Variants in CDK5RAP3 observed in about 807,000 individuals in gnomAD.
CDK5RAP3 encodes CDK5 regulatory subunit-associated protein 3.
A neutral mutation model predicts 73.3 loss-of-function variants in CDK5RAP3; 58 were observed. That is an observed-to-expected ratio of 0.79 (90% CI 0.64 to 0.98). The LOEUF (loss-of-function observed/expected upper bound fraction) is 0.98, where lower values mean the gene tolerates loss of function less well. CDK5RAP3 is among the 50% of genes least tolerant of loss of function. The probability of loss-of-function intolerance (pLI) is 0.00; values close to 1 mark genes in which losing one functional copy is unlikely to be tolerated. For missense variants in CDK5RAP3, 525 were observed against 615.8 expected, an observed-to-expected ratio of 0.85 and a Z score of 1.56; for synonymous variants, 224 against 247.5, an observed-to-expected ratio of 0.91 and a Z score of 0.89.
chr17:47,969,782 A>C (rs2036227691), upstream of CDK5RAP3, among the ~76,000 whole-genome samples: 1 of 151,702 alleles, frequency 6.6e-6, no homozygotes, highest in African/African-American at 2.4e-5. Context: ...AAAATTATAG[A>C]CCCAAGTGCC....
At chr17:47,971,989 C>T (rs979251784) in intron 2 of CDK5RAP3, among the ~76,000 whole-genome samples, 1 of 151,932 alleles carries the variant, frequency 6.6e-6, no homozygotes, top group South Asian at 2.1e-4. Context: ...GAGCGAAACT[C>T]CATCTCAAAA....
rs573569949 is a variant in CDK5RAP3 at position 47,972,392 on chromosome 17, A to T, written c.52+985A>T. Among the ~76,000 whole-genome samples the T allele has an allele frequency of 2.6e-5, 4 of 152,322 alleles. No individual in the cohort carries two copies. The South Asian group carries it at 8.3e-4, about 32-fold the overall frequency. On this transcript the variant is annotated intron_variant, in intron 2 of 13. Transcript: ENST00000338399. ...CCGTTGCTTCTAGTTCTGTGACATC[A>T]ACAGAATTTTTCTTTCTGAAAACTT... is the stretch of plus-strand genomic sequence containing the variant.
At chr17:47,972,258 A>G (rs2036288731) in intron 2 of CDK5RAP3, among the ~76,000 whole-genome samples, 2 of 152,192 alleles carry the variant, frequency 1.3e-5, no homozygotes, top group East Asian at 1.9e-4. Context: ...TAGTCAGGGA[A>G]GGCCTCTTCA....
intron 11 of CDK5RAP3, 56 bp downstream of exon 11, chr17:47,978,973 T>C (rs1435277731): frequency 4.4e-6 from 6 of 1,356,346 alleles, no homozygotes; most frequent in Non-Finnish European, 6.3e-6. Context: ...ACAGGTGGCT[T>C]CACTCCAGAT....
chr17:47,974,727 G>C, intron 5 of CDK5RAP3: 2 of 1,330,974 alleles, frequency 1.5e-6, no homozygotes, highest in Non-Finnish European at 1.9e-6. Flanking sequence ...CTTGGTTAGC[G>C]GGAGTGTGCT....
intron 11 of CDK5RAP3, 137 bp downstream of exon 11, chr17:47,979,054 G>A (rs752880240): frequency 2.1e-5 from 14 of 664,806 alleles, no homozygotes; most frequent in South Asian, 6.8e-5. Context: ...GGAGCCTCAC[G>A]TATTAGATGC....
In CDK5RAP3 at chr17:47,976,840, G is replaced by C. The variant is rs746228546; in HGVS notation, c.909+18G>C. 3 of 1,485,870 alleles carry C rather than the reference G, an allele frequency of 2.0e-6. No homozygotes were observed. Among genetic ancestry groups the C allele is most frequent in the East Asian group, 4.5e-5 (2 of 44,224 alleles). 92.0% of individuals were successfully genotyped at this position (1,485,870 alleles called of 1,614,324 possible). A position where few individuals can be genotyped will look rare whatever the true frequency, so the allele number is the denominator to read the frequency against. ...ATTCAAAGGTGAGGAGGCCTTCTCA[G>C]TCTGTCTCTCTCTGATCACTACTCT... is the stretch of plus-strand genomic sequence containing the variant. On this transcript the variant is annotated intron_variant, in intron 9 of 13. Transcript: ENST00000338399.
At position 47,976,806 on chromosome 17, in the gene CDK5RAP3, C is replaced by T. The variant is rs778449265; in HGVS notation, c.893C>T (p.Pro298Leu). 1.1e-5 allele frequency: 17 copies of T among 1,607,610 alleles called. No individual in the cohort carries two copies. In the East Asian group the frequency reaches 3.3e-4, roughly 32 times the overall value. ...GCTGGAATCGACTGGGGCATCTTCCCGGAATCAGATTCAAAGGTGAGGAGG... is the reference window on the plus strand; with the variant it reads ...GCTGGAATCGACTGGGGCATCTTCCTGGAATCAGATTCAAAGGTGAGGAGG... Reference protein sequence around the residue: ...EAAGIDWGIFPESDSKDPGGD... With the variant: ...EAAGIDWGIFLESDSKDPGGD... Residue 298 changes from proline to leucine, a missense_variant, in exon 9 of 14, where the codon CCG becomes CTG. Physicochemically the swap from Pro to Leu is moderately conservative, Grantham distance 98. Coordinates refer to ENST00000338399, the MANE Select transcript of CDK5RAP3 (RefSeq NM_176096.3).
In CDK5RAP3 at chr17:47,975,609, A is replaced by G. The variant is rs759568675; in HGVS notation, c.609A>G (p.Glu203=). ...IGAAAQQSLG[E]AIDVYQASVG... is the part of the protein sequence containing the mutation. ...CAGCGGCTCAGCAGTCCCTGGGGGAAGCCATTGACGTGTACCAGGCGTCTG... is the reference window on the plus strand; with the variant it reads ...CAGCGGCTCAGCAGTCCCTGGGGGAGGCCATTGACGTGTACCAGGCGTCTG... Residue 203 remains glutamate, a synonymous_variant, in exon 7 of 14, where the codon GAA becomes GAG. Coordinates refer to ENST00000338399, the MANE Select transcript of CDK5RAP3 (RefSeq NM_176096.3). 1.9e-6 allele frequency: 3 copies of G among 1,607,730 alleles called. No individual in the cohort carries two copies. The South Asian group carries it at 3.3e-5, about 18-fold the overall frequency.
intron 8 of CDK5RAP3, chr17:47,976,454 G>C (rs2036413949): frequency 2.5e-6 from 1 of 403,898 alleles, no homozygotes; most frequent in Non-Finnish European, 4.6e-6. Flanking sequence ...CTGCCTCTCA[G>C]CCTCAAGCGA....
In CDK5RAP3 at chr17:47,977,726, G is replaced by C. The variant is rs1598226542; in HGVS notation, c.910-106G>C. 3 of 881,972 alleles carry C rather than the reference G, an allele frequency of 3.4e-6. No individual in the cohort carries two copies. In the Admixed American group the frequency reaches 7.6e-5, roughly 22 times the overall value. 54.6% of individuals were successfully genotyped at this position (881,972 alleles called of 1,614,324 possible). On this transcript the variant is annotated intron_variant, in intron 9 of 13. Coordinates refer to ENST00000338399, the MANE Select transcript of CDK5RAP3 (RefSeq NM_176096.3). ...GTCAGGGCTGCAAATCCTTAATAGA[G>C]TTGGAATGTGCAGCCATTGACCTCA...
chr17:47,974,796 T>C (rs2597171), intron 5 of CDK5RAP3: 909,702 of 1,249,712 alleles, frequency 0.73, 332,825 homozygotes, highest in East Asian at 0.76. Context: ...CACGGGTTTT[T>C]CTGGGAGCGA....
intron 10 of CDK5RAP3, chr17:47,978,146 T>C: frequency 5.3e-6 from 2 of 376,874 alleles, no homozygotes; most frequent in Non-Finnish European, 9.6e-6. Flanking sequence ...CTCAGCTCGC[T>C]GCAACCTCCA....
At position 47,973,912 on chromosome 17, in the gene CDK5RAP3, C is replaced by T. The variant is rs1337513747; in HGVS notation, c.185-19C>T. The T allele has an allele frequency of 6.3e-7, 1 of 1,592,012 alleles. No homozygotes were observed. ...AAGAAGATACTTTAGTTCTCGAAATCCCGTCTCTTGCTTTCTAGACATTCA... is the reference window on the plus strand; with the variant it reads ...AAGAAGATACTTTAGTTCTCGAAATTCCGTCTCTTGCTTTCTAGACATTCA... On this transcript the variant is annotated intron_variant, in intron 3 of 13. Coordinates refer to ENST00000338399, the MANE Select transcript of CDK5RAP3 (RefSeq NM_176096.3).
upstream of CDK5RAP3, chr17:47,970,699 T>C: frequency 6.5e-7 from 1 of 1,535,612 alleles, no homozygotes; most frequent in Non-Finnish European, 8.7e-7. Flanking sequence ...CTCTGGATGG[T>C]AAAGCGACGC....
chr17:47,979,068 C>G (rs1012859668), intron 11 of CDK5RAP3, 151 bp downstream of exon 11: 47 of 629,446 alleles, frequency 7.5e-5, no homozygotes, highest in Non-Finnish European at 1.1e-4. Context: ...TAGATGCCTC[C>G]TATTCATCCA....
rs941012970 is a variant in CDK5RAP3 at position 47,971,427 on chromosome 17, C to T, written c.52+20C>T. On this transcript the variant is annotated intron_variant, in intron 2 of 13. Coordinates refer to ENST00000338399, the MANE Select transcript of CDK5RAP3 (RefSeq NM_176096.3). ...TGCTCGGTAGGAGGGGGCGCCACCG[C>T]GCAGCTGGCTGTCGGGGGGAGGCCT... 2 of 1,588,798 alleles carry T rather than the reference C, an allele frequency of 1.3e-6. No individual in the cohort carries two copies. The highest frequency in any genetic ancestry group is 2.3e-5 in the East Asian group (1 of 43,940).
intron 4 of CDK5RAP3, 163 bp from the exon 5 acceptor site, chr17:47,974,237 C>G (rs565599061): frequency 1.3e-6 from 1 of 762,932 alleles, no homozygotes; most frequent in South Asian, 1.6e-5. Context: ...ATTGCCTGCA[C>G]TCTTAAAGTG....
intron 11 of CDK5RAP3, chr17:47,979,917 C>T (rs908757448): frequency 1.3e-5 from 2 of 152,398 alleles, no homozygotes; most frequent in Non-Finnish European, 2.9e-5. Context: ...CTCTTGTATT[C>T]TTTTCAGCCT....
Sources: gnomAD v4.1 joint callset for allele counts (sites outside exome capture counted in the v4.1 genomes callset) on GRCh38, gnomAD v4.1.1 for gene constraint, MANE v1.5 for transcripts, NCBI Gene and HGNC (gene_info 2026-07-23, HGNC 2026-07-21) for gene names.